The following GRIP2 variants were observed in gnomAD, a reference collection of about 807,000 sequenced individuals.
GRIP2 encodes the protein glutamate receptor-interacting protein 2.
A neutral mutation model predicts 108.3 loss-of-function variants in GRIP2; 58 were observed. The ratio of observed to expected loss-of-function variants is 0.54; its 90% CI spans 0.43 to 0.67. The LOEUF (loss-of-function observed/expected upper bound fraction) is 0.67, where lower values mean the gene tolerates loss of function less well. Among genes scored for constraint, GRIP2 ranks in the 30% least tolerant of loss-of-function variants. GRIP2 has a pLI of 0.00. For synonymous variants in GRIP2, 586 were observed against 598.2 expected (o/e 0.98, Z 0.30); for missense variants, 1,278 against 1,430.6 (o/e 0.89, Z 1.72).
the GRIP2 span, among the ~76,000 whole-genome samples, chr3:14,600,771 T>C: frequency 0.21 from 31,621 of 152,134 alleles, 3,549 homozygotes; most frequent in East Asian, 0.42. Context: ...AAAATAGTAA[T>C]TTCCTGCCAG....
chr3:14,566,349 C>T, the GRIP2 span, among the ~76,000 whole-genome samples: 3 of 152,190 alleles, frequency 2.0e-5, no homozygotes, highest in Non-Finnish European at 2.9e-5. Flanking sequence ...CAGGACTGGG[C>T]GACAGCCCAC....
the GRIP2 span, among the ~76,000 whole-genome samples, chr3:14,581,341 C>A: frequency 6.6e-6 from 1 of 152,214 alleles, no homozygotes; most frequent in Non-Finnish European, 1.5e-5. Flanking sequence ...TCCCTTACCC[C>A]CTGTCCATGT....
chr3:14,510,240 G>C (rs986677154), intron 16 of GRIP2, among the ~76,000 whole-genome samples: 3 of 150,500 alleles, frequency 2.0e-5, no homozygotes, highest in African/African-American at 7.4e-5. Context: ...GAAGCAAAGG[G>C]AACCCCGATC....
At chr3:14,579,733 C>T in the GRIP2 span, among the ~76,000 whole-genome samples, 6 of 151,890 alleles carry the variant, frequency 4.0e-5, no homozygotes, top group African/African-American at 1.5e-4. Flanking sequence ...CTGGAATATT[C>T]CTCTCAGCTT....
intron 1 of GRIP2, among the ~76,000 whole-genome samples, chr3:14,547,713 TCTGA>T (rs1455637916): frequency 2.6e-5 from 4 of 152,126 alleles, no homozygotes; most frequent in African/African-American, 7.2e-5. Context: ...CAGGGGCTGC[TCTGA>T]CTGTCCACCA....
At position 14,535,154 on chromosome 3, in the gene GRIP2, C is replaced by T. The variant is rs185774857; in HGVS notation, c.40+5115G>A. On this transcript the variant is annotated intron_variant, in intron 1 of 23. Transcript: ENST00000621039. ...CCCTGGGTGCTGAAGAGGACATGGG[C>T]GCTAAGTACTCCACCAAGTGACGGT... is the stretch of plus-strand genomic sequence containing the variant. 2.2e-4 allele frequency among the ~76,000 whole-genome samples: 33 copies of T among 152,250 alleles called. No homozygotes were observed. In the East Asian group the frequency reaches 3.3e-3, roughly 15 times the overall value.
Position 14,511,103 on chromosome 3 carries a change from C to T in GRIP2, c.1933+62G>A. The T allele has an allele frequency of 6.3e-7, 1 of 1,584,970 alleles. No individual in the cohort carries two copies. Among genetic ancestry groups the T allele is most frequent in the Non-Finnish European group, 8.6e-7 (1 of 1,163,758 alleles). On this transcript the variant is annotated intron_variant, in intron 16 of 23. Coordinates refer to ENST00000621039, the MANE Select transcript of GRIP2 (RefSeq NM_001080423.4). The surrounding 1 kb of genome is among the most constrained non-coding windows in gnomAD (Gnocchi z 4.1). ...GCTGGAGGGAGCCCTGAATTGCAAG[C>T]TGGGAACCCGCTAGTCAAAGGGTGG...
intron 1 of GRIP2, among the ~76,000 whole-genome samples, chr3:14,536,351 C>G (rs1476597321): frequency 6.6e-6 from 1 of 152,172 alleles, no homozygotes; most frequent in Non-Finnish European, 1.5e-5. Flanking sequence ...TGCAGAGGCA[C>G]CTGGAACCCA....
At chr3:14,538,162 C>T (rs1001714544) in intron 1 of GRIP2, among the ~76,000 whole-genome samples, 8 of 152,200 alleles carry the variant, frequency 5.3e-5, no homozygotes, top group Non-Finnish European at 7.3e-5. Context: ...CAGCTCCAAT[C>T]GGGGCACTCA....
At chr3:14,562,855 T>C in the GRIP2 span, among the ~76,000 whole-genome samples, 1 of 152,220 alleles carries the variant, frequency 6.6e-6, no homozygotes, top group East Asian at 1.9e-4. Context: ...CTGAGATGGA[T>C]TCTTTCCTGC....
rs766983147 is a variant in GRIP2, at chr3:14,493,815, G to T, written c.2982C>A (p.Val994=). ...PFDRVLQVNH[V]RTRDFDCCLA... ...GGCAGCAGTCGAAGTCCCGTGTACG[G>T]ACGTGGTTGACCTGCATGGGGCACA... is the stretch of plus-strand genomic sequence containing the variant. Residue 994 remains valine, a synonymous_variant, in exon 24 of 24, where the codon GTC becomes GTA. Coordinates refer to ENST00000621039, the MANE Select transcript of GRIP2 (RefSeq NM_001080423.4). 11 of 1,612,170 alleles carry T rather than the reference G, an allele frequency of 6.8e-6. No homozygotes were observed. Among genetic ancestry groups the T allele is most frequent in the Non-Finnish European group, 8.5e-6 (10 of 1,178,762 alleles).
the GRIP2 span, among the ~76,000 whole-genome samples, chr3:14,575,056 G>A: frequency 6.6e-6 from 1 of 152,204 alleles, no homozygotes; most frequent in South Asian, 2.1e-4. Context: ...GGGAGCAGGA[G>A]TGGGATGTGA....
At chr3:14,573,940 G>A in the GRIP2 span, 23 of 1,100,528 alleles carry the variant, frequency 2.1e-5, no homozygotes, top group Non-Finnish European at 2.9e-5. Flanking sequence ...TCGTGCTCGC[G>A]CCCTGCGCGA....
chr3:14,496,540 G>A lies in GRIP2; in HGVS notation c.2700C>T (p.Thr900=), dbSNP rs555488161. 54 of 1,606,478 alleles carry A rather than the reference G, an allele frequency of 3.4e-5. No individual in the cohort carries two copies. Among genetic ancestry groups the A allele is most frequent in the South Asian group, 2.0e-4 (18 of 90,402 alleles). Reference sequence around the variant, plus strand: ...TGCCCTCGAGGGCCACCCTCTGCACGGTGCCCGTCATGATGGATGCCTGCA... The same window carrying A: ...TGCCCTCGAGGGCCACCCTCTGCACAGTGCCCGTCATGATGGATGCCTGCA... ...RELEASIMTG[T]VQRVALEGRP... is the part of the protein sequence containing the mutation. The change falls in exon 22 of 24, where the codon ACC becomes ACT. Residue 900 remains threonine (T), a synonymous_variant. Coordinates refer to ENST00000621039, the MANE Select transcript of GRIP2 (RefSeq NM_001080423.4).
chr3:14,580,399 A>C, the GRIP2 span, among the ~76,000 whole-genome samples: 1 of 152,186 alleles, frequency 6.6e-6, no homozygotes, highest in Non-Finnish European at 1.5e-5. Context: ...TTCATGCATC[A>C]ACTTGGCCAG....
At chr3:14,589,734 T>C in the GRIP2 span, among the ~76,000 whole-genome samples, 1 of 151,212 alleles carries the variant, frequency 6.6e-6, no homozygotes, top group Non-Finnish European at 1.5e-5. Context: ...ATTGTAGATG[T>C]CAGCCTCTAC....
chr3:14,508,501 C>A (rs899727061), intron 17 of GRIP2, among the ~76,000 whole-genome samples: 1 of 152,188 alleles, frequency 6.6e-6, no homozygotes, highest in Non-Finnish European at 1.5e-5. Context: ...GGGTCTTTAA[C>A]CTCTGGGGCT....
chr3:14,520,941 T>C, intron 7 of GRIP2: 1 of 217,658 alleles, frequency 4.6e-6, no homozygotes, highest in Non-Finnish European at 9.3e-6. Context: ...CACCCTTAGC[T>C]CCTGCCCTCG....
chr3:14,552,596 C>T lies in GRIP2; in HGVS notation c.55+3304G>A, dbSNP rs1695167972. 1.3e-5 allele frequency among the ~76,000 whole-genome samples: 2 copies of T among 151,716 alleles called. 1 individual carries two copies. Among genetic ancestry groups the T allele is most frequent in the South Asian group, 4.2e-4 (2 of 4,776 alleles). On this transcript the variant is annotated intron_variant, in intron 1 of 23. Coordinates refer to the GRIP2 transcript ENST00000637182. Reference sequence around the variant, plus strand: ...AACCCTACCTATGGTCTGTAGACCACAGCCAGAGCTTATTCTTTTCTTTCT... The same window carrying T: ...AACCCTACCTATGGTCTGTAGACCATAGCCAGAGCTTATTCTTTTCTTTCT...
Sources: gnomAD v4.1 joint callset for allele counts (sites outside exome capture counted in the v4.1 genomes callset) on GRCh38, gnomAD v4.1.1 for gene constraint, Gnocchi (gnomAD v3.1) non-coding constraint, MANE v1.5 for transcripts, NCBI Gene and HGNC (gene_info 2026-07-23, HGNC 2026-07-21) for gene names.